The following ZNF536 variants were observed in gnomAD, a reference collection of about 807,000 sequenced individuals.
ZNF536 encodes zinc finger protein 536.
A neutral mutation model predicts 84.5 loss-of-function variants in ZNF536; 13 were observed. That is an observed-to-expected ratio of 0.15 (90% CI 0.10 to 0.24). ZNF536 has a LOEUF of 0.24. Ranked by LOEUF, ZNF536 falls within the 10% of genes least tolerant of loss-of-function variation. The probability of loss-of-function intolerance (pLI) is 1.00; values close to 1 mark genes in which losing one functional copy is unlikely to be tolerated. For missense variants in ZNF536, 1,536 were observed against 1,747.5 expected (o/e 0.88, Z 2.16); for synonymous variants, 811 against 742.5 (o/e 1.09, Z -1.50).
At chr19:30,668,707 C>T (rs2050425071) in intron 1 of ZNF536, 1 of 152,206 alleles carries the variant, frequency 6.6e-6, no homozygotes, top group Non-Finnish European at 1.5e-5. Context: ...ATTTGCCACA[C>T]CCACTTCGAG....
chr19:30,226,473 T>G (rs1183590772), upstream of ZNF536, among the ~76,000 whole-genome samples: 1 of 151,918 alleles, frequency 6.6e-6, no homozygotes, highest in African/African-American at 2.4e-5. This position sits in a 1 kb window ranked among gnomAD's most constrained non-coding sequence, Gnocchi z 4.6. Context: ...CGCTGAGATC[T>G]GCCATTTTGT....
Position 30,445,387 on chromosome 19 carries a change from T to C in ZNF536, c.1825T>C (p.Ser609Pro), listed in dbSNP as rs1370516549. 1 of 1,613,986 alleles carries C rather than the reference T, an allele frequency of 6.2e-7. No homozygotes were observed. Among genetic ancestry groups the C allele is most frequent in the Non-Finnish European group, 8.5e-7 (1 of 1,180,018 alleles). ...TTTAGAAAGCAGTCGGGATTTTTTGTCACACGGGCTGAACCAGACTCTCGA... is the reference window on the plus strand; with the variant it reads ...TTTAGAAAGCAGTCGGGATTTTTTGCCACACGGGCTGAACCAGACTCTCGA... Reference protein sequence around the residue: ...DPLESSRDFLSHGLNQTLEYN... With the variant: ...DPLESSRDFLPHGLNQTLEYN... Residue 609 changes from serine to proline, a missense_variant, in exon 2 of 5, where the codon TCA becomes CCA. By Grantham distance (74) the Ser-to-Pro change is moderately conservative (BLOSUM62 -1). Coordinates refer to ENST00000355537, the MANE Select transcript of ZNF536 (RefSeq NM_014717.3). The surrounding 1 kb of genome is among the most constrained non-coding windows in gnomAD (Gnocchi z 4.5).
chr19:30,488,561 T>G (rs566728160), intron 2 of ZNF536, among the ~76,000 whole-genome samples: 1 of 136,764 alleles, frequency 7.3e-6, no homozygotes. Flanking sequence ...GCTATTTTTT[T>G]AATTAAAAAA....
chr19:30,338,112 T>C (rs1002400491), intron 2 of ZNF536, among the ~76,000 whole-genome samples: 4 of 151,554 alleles, frequency 2.6e-5, no homozygotes, highest in Admixed American at 2.6e-4. Flanking sequence ...GTGATTGTGA[T>C]TATGATGATG....
intron 1 of ZNF536, among the ~76,000 whole-genome samples, chr19:30,394,670 CAGTCTGGA>C (rs1275241458): frequency 1.3e-5 from 2 of 152,180 alleles, no homozygotes; most frequent in African/African-American, 4.8e-5. Context: ...GTAAATAGTA[CAGTCTGGA>C]AATTACACAT....
intron 4 of ZNF536, chr19:30,554,882 G>C (rs941946147): frequency 6.6e-6 from 1 of 152,236 alleles, no homozygotes; most frequent in African/African-American, 2.4e-5. Context: ...CTGGTCCTCT[G>C]TTATTCTGCT....
At chr19:30,363,450 C>T (rs565919056) in intron 3 of ZNF536, among the ~76,000 whole-genome samples, 8 of 152,130 alleles carry the variant, frequency 5.3e-5, no homozygotes, top group Admixed American at 1.3e-4. Flanking sequence ...AAGTAAGGTG[C>T]GCACTTTTTC....
At position 30,307,243 on chromosome 19, in the gene ZNF536, T is replaced by TC. The variant is rs895615712; in HGVS notation, c.-120+23110dup. ...TTGATGTTAAAATAACTTAAATACC[T>TC]CCCCCCCCTTTTTTGATTGATATGT... On this transcript the variant is annotated intron_variant, in intron 2 of 5. Transcript: ENST00000585628. 3.7e-4 allele frequency among the ~76,000 whole-genome samples: 56 copies of TC among 151,068 alleles called. No homozygotes were observed. The East Asian group carries it at 6.4e-3, about 17-fold the overall frequency.
intron 1 of ZNF536, among the ~76,000 whole-genome samples, chr19:30,411,180 A>G (rs1270091426): frequency 6.6e-6 from 1 of 152,206 alleles, no homozygotes; most frequent in East Asian, 1.9e-4. Flanking sequence ...GTTAGGTTGA[A>G]CGGTATGCAC....
At chr19:30,331,828 C>T (rs930912137) in intron 2 of ZNF536, among the ~76,000 whole-genome samples, 6 of 152,148 alleles carry the variant, frequency 3.9e-5, no homozygotes, top group African/African-American at 1.4e-4. Flanking sequence ...TCAGCTTCCT[C>T]CCTGTCCCCT....
chr19:30,320,865 C>CA (rs772655136), intron 2 of ZNF536, among the ~76,000 whole-genome samples: 23 of 152,150 alleles, frequency 1.5e-4, no homozygotes, highest in Admixed American at 2.6e-4. Flanking sequence ...GGACGTGTCA[C>CA]AAAAACAGAG....
At chr19:30,438,213 C>T (rs968671050) in intron 1 of ZNF536, among the ~76,000 whole-genome samples, 1 of 152,068 alleles carries the variant, frequency 6.6e-6, no homozygotes, top group Non-Finnish European at 1.5e-5. Context: ...AAACATTGTA[C>T]CCTATAGGTA....
intron 1 of ZNF536, among the ~76,000 whole-genome samples, chr19:30,249,484 G>A (rs1305694406): frequency 1.3e-5 from 2 of 151,964 alleles, no homozygotes; most frequent in Admixed American, 1.3e-4. Flanking sequence ...CTGTGAGATG[G>A]GGTCATCAGT....
At chr19:30,279,677 G>A (rs187970504) in intron 1 of ZNF536, among the ~76,000 whole-genome samples, 1 of 152,168 alleles carries the variant, frequency 6.6e-6, no homozygotes, top group Non-Finnish European at 1.5e-5. Context: ...TGGAGAAGAC[G>A]CTCTGTGTAT....
chr19:30,642,214 C>T (rs2049292433), intron 1 of ZNF536, among the ~76,000 whole-genome samples: 1 of 152,138 alleles, frequency 6.6e-6, no homozygotes, highest in Non-Finnish European at 1.5e-5. Context: ...TGCAAATCGC[C>T]CTTTCCTAAG....
intron 2 of ZNF536, among the ~76,000 whole-genome samples, chr19:30,292,712 C>G (rs1235008235): frequency 6.6e-6 from 1 of 152,056 alleles, no homozygotes; most frequent in Non-Finnish European, 1.5e-5. Context: ...GTGATGTTGT[C>G]TTTGGGAGAG....
intron 2 of ZNF536, among the ~76,000 whole-genome samples, chr19:30,338,467 G>A (rs1482020287): frequency 6.8e-6 from 1 of 147,434 alleles, no homozygotes; most frequent in Non-Finnish European, 1.5e-5. Context: ...TGGTGATGAT[G>A]ATGACAATGA....
At chr19:30,442,268 G>T (rs1386403432) in intron 1 of ZNF536, among the ~76,000 whole-genome samples, 1 of 152,228 alleles carries the variant, frequency 6.6e-6, no homozygotes, top group African/African-American at 2.4e-5. Flanking sequence ...GCCCTCCCTG[G>T]AGCCATCTGG....
Position 30,445,863 on chromosome 19 carries a change from CACTGGGCCATG to C in ZNF536, c.2170+132_2170+142del. ...TGATTGAGGACAGGGGTGGGTTGGA[CACTGGGCCATG>C]CCTTTCTTTCCCCCCCTGACTGGAG... On this transcript the variant is annotated intron_variant, in intron 2 of 4. Transcript: ENST00000355537. The surrounding 1 kb of genome is among the most constrained non-coding windows in gnomAD (Gnocchi z 4.5). 4.0e-6 allele frequency: 5 copies of C among 1,264,858 alleles called. No homozygotes were observed. Among genetic ancestry groups the C allele is most frequent in the Non-Finnish European group, 5.3e-6 (5 of 946,976 alleles). 78.4% of individuals were successfully genotyped at this position (1,264,858 alleles called of 1,614,324 possible). A position where few individuals can be genotyped will look rare whatever the true frequency, so the allele number is the denominator to read the frequency against.
Sources: allele counts gnomAD v4.1 joint callset (sites outside exome capture counted in the v4.1 genomes callset), GRCh38; gene constraint gnomAD v4.1.1; non-coding constraint Gnocchi (gnomAD v3.1); transcripts MANE v1.5; gene names NCBI Gene and HGNC (gene_info 2026-07-23, HGNC 2026-07-21).